Variants in SYN3 observed in about 807,000 individuals in gnomAD.
SYN3 encodes the protein synapsin-3.
SYN3 carries 35 observed loss-of-function variants against 65.8 expected under a neutral mutation model. That is an observed-to-expected ratio of 0.53 (90% CI 0.41 to 0.70). The LOEUF is 0.70. Among genes scored for constraint, SYN3 ranks in the 30% least tolerant of loss-of-function variants. The pLI is 0.00. For missense variants in SYN3, 680 were observed against 749.0 expected, an observed-to-expected ratio of 0.91 and a Z score of 1.08; for synonymous variants, 270 against 292.9, an observed-to-expected ratio of 0.92 and a Z score of 0.80.
chr22:32,838,210 T>C (rs563381958), intron 6 of SYN3, among the ~76,000 whole-genome samples: 58 of 152,216 alleles, frequency 3.8e-4, no homozygotes, highest in African/African-American at 1.4e-3. Context: ...TCTGAATAAA[T>C]ATCAGATGAG....
chr22:32,940,593 T>C (rs569810212), intron 3 of SYN3, among the ~76,000 whole-genome samples: 44 of 152,346 alleles, frequency 2.9e-4, no homozygotes, highest in Middle Eastern at 3.4e-3. Flanking sequence ...GTTATTCATA[T>C]ACTTTGGTAC....
intron 7 of SYN3, among the ~76,000 whole-genome samples, chr22:32,582,851 A>T (rs1033044762): frequency 1.3e-5 from 2 of 152,158 alleles, no homozygotes; most frequent in Non-Finnish European, 2.9e-5. Context: ...TATCTGTTAG[A>T]GTGGCCAGGG....
intron 10 of SYN3, among the ~76,000 whole-genome samples, chr22:32,530,845 A>G: frequency 6.6e-6 from 1 of 152,032 alleles, no homozygotes; most frequent in East Asian, 1.9e-4. Flanking sequence ...TCTACTAAAA[A>G]TACAAAAAAA....
chr22:32,802,290 G>A (rs974807461), intron 6 of SYN3, among the ~76,000 whole-genome samples: 3 of 152,122 alleles, frequency 2.0e-5, no homozygotes, highest in Non-Finnish European at 4.4e-5. Flanking sequence ...CGCTGGCATA[G>A]CTGAGAGGGG....
intron 6 of SYN3, among the ~76,000 whole-genome samples, chr22:32,601,728 C>T (rs958737956): frequency 4.6e-5 from 7 of 152,140 alleles, no homozygotes; most frequent in Non-Finnish European, 8.8e-5. Flanking sequence ...GAGGGGAGTT[C>T]AGGTTGCTTG....
At chr22:33,032,504 C>CA (rs111721615) in intron 1 of SYN3, among the ~76,000 whole-genome samples, 105 of 132,288 alleles carry the variant, frequency 7.9e-4, no homozygotes, top group East Asian at 8.5e-4. Flanking sequence ...GACTCCATCT[C>CA]AAAAAAAAAA....
chr22:32,827,944 C>G (rs921500688), intron 6 of SYN3, among the ~76,000 whole-genome samples: 1 of 152,180 alleles, frequency 6.6e-6, no homozygotes, highest in African/African-American at 2.4e-5. Flanking sequence ...CGTAGAGAGG[C>G]CTTCCTTGCC....
chr22:32,555,019 A>C (rs1336167566), intron 7 of SYN3, among the ~76,000 whole-genome samples: 3 of 152,250 alleles, frequency 2.0e-5, no homozygotes, highest in African/African-American at 7.2e-5. Flanking sequence ...AATAAATGTT[A>C]TAACTATCAT....
chr22:32,819,568 G>A (rs1355882593), intron 6 of SYN3, among the ~76,000 whole-genome samples: 3 of 152,146 alleles, frequency 2.0e-5, no homozygotes, highest in African/African-American at 7.2e-5. Context: ...TATTCCAGGT[G>A]CTGGGCAGAG....
intron 6 of SYN3, among the ~76,000 whole-genome samples, chr22:32,657,953 A>C (rs1472475938): frequency 6.6e-6 from 1 of 152,200 alleles, no homozygotes; most frequent in African/African-American, 2.4e-5. Context: ...CAGTGTTTGC[A>C]TCTTACTCAT....
chr22:32,555,596 C>A (rs2058482966), intron 7 of SYN3, among the ~76,000 whole-genome samples: 1 of 152,124 alleles, frequency 6.6e-6, no homozygotes, highest in Non-Finnish European at 1.5e-5. Flanking sequence ...ATTTACAAAT[C>A]AGTGAAAAGT....
rs1299297690 is a variant in SYN3 at position 32,625,311 on chromosome 22, G to T, written c.712-28575C>A. Among the ~76,000 whole-genome samples the T allele has an allele frequency of 1.3e-5, 2 of 152,174 alleles. 1 individual carries two copies. The highest frequency in any genetic ancestry group is 3.9e-4 in the East Asian group (2 of 5,188). On this transcript the variant is annotated intron_variant, in intron 6 of 13. Transcript: ENST00000358763. ...TTTCATACAAAACTGTGGATATGGG[G>T]CTTTTTGGAACAATGGTTAGATCCA...
At chr22:32,552,419 TC>T (rs1194876371) in intron 7 of SYN3, among the ~76,000 whole-genome samples, 1 of 151,260 alleles carries the variant, frequency 6.6e-6, no homozygotes, top group Non-Finnish European at 1.5e-5. Flanking sequence ...CAAAGGTTTT[TC>T]TTTTTTTTTT....
At chr22:32,747,282 A>C (rs1178392147) in intron 6 of SYN3, among the ~76,000 whole-genome samples, 1 of 136,148 alleles carries the variant, frequency 7.3e-6, no homozygotes, top group African/African-American at 2.7e-5. Context: ...CTCAGATTTC[A>C]GGTCCAGTGT....
chr22:32,581,037 A>G (rs956082092), intron 7 of SYN3, among the ~76,000 whole-genome samples: 2 of 152,142 alleles, frequency 1.3e-5, no homozygotes, highest in Admixed American at 6.5e-5. Context: ...AGTATCTACA[A>G]TTTTTTAAGA....
At chr22:32,921,943 G>C (rs1421925862) in intron 4 of SYN3, among the ~76,000 whole-genome samples, 1 of 152,154 alleles carries the variant, frequency 6.6e-6, no homozygotes, top group Non-Finnish European at 1.5e-5. Context: ...GCCTGCTCCA[G>C]AACTGTGTTC....
chr22:32,605,780 C>T (rs1450928514), intron 6 of SYN3, among the ~76,000 whole-genome samples: 1 of 152,196 alleles, frequency 6.6e-6, no homozygotes, highest in Non-Finnish European at 1.5e-5. Context: ...CCTGTTAGGA[C>T]AAGACTGGCT....
chr22:32,987,879 T>C (rs2052574962), intron 2 of SYN3, among the ~76,000 whole-genome samples: 1 of 152,112 alleles, frequency 6.6e-6, no homozygotes, highest in Non-Finnish European at 1.5e-5. Flanking sequence ...TACATGCTTA[T>C]TGAAAAGACA....
At chr22:32,534,646 C>T (rs1252129142) in intron 9 of SYN3, among the ~76,000 whole-genome samples, 1 of 152,194 alleles carries the variant, frequency 6.6e-6, no homozygotes, top group Non-Finnish European at 1.5e-5. Context: ...CTTAGCTTCC[C>T]CTGTGGGCTG....
Sources: gnomAD v4.1 joint callset for allele counts (sites outside exome capture counted in the v4.1 genomes callset) on GRCh38, gnomAD v4.1.1 for gene constraint, MANE v1.5 for transcripts, NCBI Gene and HGNC (gene_info 2026-07-23, HGNC 2026-07-21) for gene names.